The following TIGD7 variants were observed in gnomAD, a reference collection of about 807,000 sequenced individuals.
The protein encoded by TIGD7 is tigger transposable element derived 7, also known as tigger transposable element-derived protein 7.
TIGD7 carries 26 observed loss-of-function variants against 24.8 expected under a neutral mutation model. The ratio of observed to expected loss-of-function variants is 1.05; its 90% CI spans 0.77 to 1.45. The LOEUF is 1.45. Ranked by LOEUF, TIGD7 falls within the 40% of genes most tolerant of loss-of-function variation. TIGD7 has a pLI of 0.00. For missense variants in TIGD7, 679 were observed against 641.6 expected (o/e 1.06, Z -0.63); for synonymous variants, 221 against 224.1 (o/e 0.99, Z 0.12).
In TIGD7 at chr16:3,299,930, T is replaced by C. The variant is rs1412244118; in HGVS notation, c.685A>G (p.Ile229Val). ...CTTTTGGGCAGTTTTGATTTTCCAA[T>C]AATGATTGACTTTAATTTATGAGTT... ...DGTHKLKSII[I>V]GKSKLPKSVK... Residue 229 changes from isoleucine to valine, a missense_variant, in exon 2 of 2, where the codon ATT becomes GTT. Transcript: ENST00000396862. 6.8e-6 allele frequency: 11 copies of C among 1,612,852 alleles called. No individual in the cohort carries two copies. The highest frequency in any genetic ancestry group is 7.6e-6 in the Non-Finnish European group (9 of 1,179,530).
In TIGD7 at chr16:3,305,231, C is replaced by G. The variant is rs1281053688; in HGVS notation, c.-1415G>C. 1 of 152,234 alleles carries G rather than the reference C, an allele frequency of 6.6e-6. No homozygotes were observed. The highest frequency in any genetic ancestry group is 1.5e-5 in the Non-Finnish European group (1 of 68,042). The allele number at this position is 152,234 out of a possible 1,614,324, so 9.4% of individuals were successfully genotyped here. A position where few individuals can be genotyped will look rare whatever the true frequency, so the allele number is the denominator to read the frequency against. ...CCTTACCCGGCGAGGCTCCCGGGAC[C>G]AAACGCCGCCCGACAGCCACGCAGA... On this transcript the variant is annotated 5_prime_UTR_variant, in exon 1 of 2. Transcript: ENST00000396862.
At position 3,300,712 on chromosome 16, in the gene TIGD7, C is replaced by G; in HGVS notation, c.-98G>C. On this transcript the variant is annotated 5_prime_UTR_variant, in exon 2 of 2. Transcript: ENST00000396862. ...CCCACATTTTTTAAACAAAACTTAG[C>G]TGAAAGCCCCAGAAGGCATGGGCAT... 1 of 1,480,782 alleles carries G rather than the reference C, an allele frequency of 6.8e-7. No homozygotes were observed. The highest frequency in any genetic ancestry group is 8.9e-7 in the Non-Finnish European group (1 of 1,119,098). The allele number at this position is 1,480,782 out of a possible 1,614,324, so 91.7% of individuals were successfully genotyped here.
chr16:3,303,055 C>T (rs1169679608), intron 1 of TIGD7, among the ~76,000 whole-genome samples: 1 of 152,122 alleles, frequency 6.6e-6, no homozygotes, highest in Admixed American at 6.5e-5. Context: ...CCAGGCTGGT[C>T]TCGAACTCCT....
chr16:3,299,176 A>G lies in TIGD7; in HGVS notation c.1439T>C (p.Val480Ala). The stretch of plus-strand genomic sequence containing the variant: ...AAGAAGGTAGTCCAAACTCTCTCTT[A>G]CAGCAGATAATTTAAATTCAGCAGT... ...KQTAEFKLSA[V>A]RESLDYLLDF... Residue 480 changes from valine (V) to alanine (A), a missense_variant, in exon 2 of 2, where the codon GTA (valine) becomes GCA (alanine). Transcript: ENST00000396862. 6.3e-7 allele frequency: 1 copy of G among 1,587,058 alleles called. No individual in the cohort carries two copies. The highest frequency in any genetic ancestry group is 1.4e-5 in the African/African-American group (1 of 73,668).
intron 1 of TIGD7, among the ~76,000 whole-genome samples, chr16:3,302,542 C>T (rs540929586): frequency 3.4e-4 from 51 of 152,236 alleles, no homozygotes; most frequent in African/African-American, 1.2e-3. Flanking sequence ...GAGAAGATTA[C>T]AAGAGAATAT....
Position 3,300,545 on chromosome 16 carries a change from C to G in TIGD7, c.70G>C (p.Ala24Pro). The G allele has an allele frequency of 6.2e-7, 1 of 1,613,114 alleles. No individual in the cohort carries two copies. The highest frequency in any genetic ancestry group is 8.5e-7 in the Non-Finnish European group (1 of 1,179,678). The change falls in exon 2 of 2, where the codon GCT (alanine) becomes CCT (proline). Residue 24 changes from alanine to proline, a missense_variant. By Grantham distance (27) the Ala-to-Pro change is conservative. Transcript: ENST00000396862. ...EKMKVLSRIE[A>P]GRSLKSVMDE... The stretch of plus-strand genomic sequence containing the variant: ...ATTACACTTTTAAGTGATCGTCCAG[C>G]TTCAATTCTACTTAGAACCTTCATT...
In TIGD7 at chr16:3,299,977, A is replaced by G. The variant is rs376296680; in HGVS notation, c.638T>C (p.Phe213Ser). Reference sequence around the variant, plus strand: ...AGTTCCGTCTGCATTTGCACATAAAAAGGCAGACAACCTTTCTTTGTTTAT... The same window carrying G: ...AGTTCCGTCTGCATTTGCACATAAAGAGGCAGACAACCTTTCTTTGTTTAT... Reference protein sequence around the residue: ...KKINKERLSAFLCANADGTHK... With the variant: ...KKINKERLSASLCANADGTHK... Residue 213 changes from phenylalanine (F) to serine (S), a missense_variant, in exon 2 of 2, where the codon TTT becomes TCT. Phe to Ser is a radical substitution (Grantham distance 155). Transcript: ENST00000396862. The G allele has an allele frequency of 6.2e-7, 1 of 1,613,982 alleles. No individual in the cohort carries two copies. Among genetic ancestry groups the G allele is most frequent in the Non-Finnish European group, 8.5e-7 (1 of 1,180,004 alleles).
At position 3,299,548 on chromosome 16, in the gene TIGD7, T is replaced by C. The variant is rs759089115; in HGVS notation, c.1067A>G (p.Glu356Gly). 2.0e-6 allele frequency: 3 copies of C among 1,527,134 alleles called. No individual in the cohort carries two copies. Among genetic ancestry groups the C allele is most frequent in the East Asian group, 2.3e-5 (1 of 43,476 alleles). 94.6% of individuals were successfully genotyped at this position (1,527,134 alleles called of 1,614,324 possible). Residue 356 changes from glutamate (E) to glycine (G), a missense_variant, in exon 2 of 2, where the codon GAA becomes GGA. Transcript: ENST00000396862. ...TCCTTTCTCTTGCTCATCATCACTT[T>C]CTTCAAATATTACAAGACTCTCTTC... ...QLEESLVIFE[E>G]SDDEQEKGDK...
intron 1 of TIGD7, among the ~76,000 whole-genome samples, chr16:3,304,576 A>G (rs1960059735): frequency 1.3e-5 from 2 of 152,234 alleles, no homozygotes; most frequent in African/African-American, 4.8e-5. Context: ...TAGTCCCTTG[A>G]CTGGTATAAG....
In TIGD7 at chr16:3,304,083, G is replaced by A. The variant is rs1264623561; in HGVS notation, c.-1396+1129C>T. 2.6e-5 allele frequency among the ~76,000 whole-genome samples: 4 copies of A among 152,148 alleles called. No individual in the cohort carries two copies. In the East Asian group the frequency reaches 5.8e-4, roughly 22 times the overall value. The stretch of plus-strand genomic sequence containing the variant: ...GATCTCCTGACCTCATGATCCGCCC[G>A]CCTCGGCCTCCCAAAGTGCTGGGAT... On this transcript the variant is annotated intron_variant, in intron 1 of 1. Coordinates refer to ENST00000396862, the MANE Select transcript of TIGD7 (RefSeq NM_033208.4).
chr16:3,298,984 G>C lies in TIGD7; in HGVS notation c.1631C>G (p.Thr544Ser). ...NIKDSFSGPS[T>S]SGSNH is the part of the protein sequence containing the mutation. ...CAAAATCTAATGATTAGAACCAGAA[G>C]TTGAAGGCCCACTGAAGGAGTCCTT... The change falls in exon 2 of 2, where the codon ACT becomes AGT. Residue 544 changes from threonine (T) to serine (S), a missense_variant. Physicochemically the swap from Thr to Ser is moderately conservative, Grantham distance 58 (BLOSUM62 1). Transcript: ENST00000396862. 7.8e-7 allele frequency: 1 copy of C among 1,285,254 alleles called. No homozygotes were observed. The highest frequency in any genetic ancestry group is 1.0e-6 in the Non-Finnish European group (1 of 991,564). 79.6% of individuals were successfully genotyped at this position (1,285,254 alleles called of 1,614,324 possible).
chr16:3,302,570 G>A (rs978608628), intron 1 of TIGD7, among the ~76,000 whole-genome samples: 12 of 152,176 alleles, frequency 7.9e-5, no homozygotes, highest in African/African-American at 2.9e-4. Flanking sequence ...ATTAGGGGGT[G>A]GAGCCAATGG....
rs1409741074 is a variant in TIGD7 at position 3,298,912 on chromosome 16, C to G, written c.*53G>C. ...AATAATGTCAGTTGCTAAAACAAGA[C>G]AATTCACAGCTGGCCTACATCATAT... On this transcript the variant is annotated 3_prime_UTR_variant, in exon 2 of 2. Transcript: ENST00000396862. The G allele has an allele frequency of 1.1e-5, 8 of 724,950 alleles. No individual in the cohort carries two copies. Among genetic ancestry groups the G allele is most frequent in the East Asian group, 3.0e-5 (1 of 32,838 alleles). The allele number at this position is 724,950 out of a possible 1,614,324, so 44.9% of individuals were successfully genotyped here.
Position 3,301,636 on chromosome 16 carries a change from A to T in TIGD7, c.-1022T>A, listed in dbSNP as rs554796168. 6.0e-6 allele frequency: 1 copy of T among 166,350 alleles called. No homozygotes were observed. Among genetic ancestry groups the T allele is most frequent in the Non-Finnish European group, 1.5e-5 (1 of 68,130 alleles). The allele number at this position is 166,350 out of a possible 1,614,324, so 10.3% of individuals were successfully genotyped here. A position where few individuals can be genotyped will look rare whatever the true frequency, so the allele number is the denominator to read the frequency against. ...TTACAAATATTTCACCATAGTTAAA[A>T]ATTTTTAAAGATCTGTCCTTTCATT... is the stretch of plus-strand genomic sequence containing the variant. On this transcript the variant is annotated 5_prime_UTR_variant, in exon 2 of 2. Transcript: ENST00000396862.
In TIGD7 at chr16:3,300,654, G is replaced by A; in HGVS notation, c.-40C>T. On this transcript the variant is annotated 5_prime_UTR_variant, in exon 2 of 2. Transcript: ENST00000396862. ...TGAACCACCAACAGGAGAAAACAAA[G>A]GGAAAAGCCTTAATGAATTGGCAAA... 1.3e-6 allele frequency: 2 copies of A among 1,522,272 alleles called. No individual in the cohort carries two copies. Among genetic ancestry groups the A allele is most frequent in the Non-Finnish European group, 1.8e-6 (2 of 1,139,810 alleles). The allele number at this position is 1,522,272 out of a possible 1,614,324, so 94.3% of individuals were successfully genotyped here.
chr16:3,304,727 T>C (rs1960069051), intron 1 of TIGD7: 2 of 152,202 alleles, frequency 1.3e-5, no homozygotes, highest in Non-Finnish European at 2.9e-5. Context: ...TTCTTATAAC[T>C]ATGATTCAGT....
intron 1 of TIGD7, chr16:3,303,683 A>G (rs1178417994): frequency 6.6e-6 from 1 of 152,176 alleles, no homozygotes; most frequent in Admixed American, 6.5e-5. Flanking sequence ...GGAGTTACAT[A>G]CCATCCCATC....
intron 1 of TIGD7, among the ~76,000 whole-genome samples, chr16:3,303,125 A>G (rs1403158634): frequency 6.6e-6 from 1 of 152,198 alleles, no homozygotes; most frequent in East Asian, 1.9e-4. Flanking sequence ...GGTGTAAGCC[A>G]CTGCGCCCAG....
chr16:3,305,041 G>A (rs1321368561), intron 1 of TIGD7, 171 bp downstream of exon 1: 2 of 152,232 alleles, frequency 1.3e-5, no homozygotes, highest in African/African-American at 2.4e-5. Context: ...CCTAGAAAAC[G>A]GTACAAAACC....
Sources: allele counts gnomAD v4.1 joint callset (sites outside exome capture counted in the v4.1 genomes callset), GRCh38; gene constraint gnomAD v4.1.1; transcripts MANE v1.5; gene names NCBI Gene and HGNC (gene_info 2026-07-23, HGNC 2026-07-21).